The following C1QTNF3 variants were observed in gnomAD, a reference collection of about 807,000 sequenced individuals.
C1QTNF3 encodes the protein C1q and TNF related 3.
A neutral mutation model predicts 32.6 loss-of-function variants in C1QTNF3; 26 were observed. The ratio of observed to expected loss-of-function variants is 0.80; its 90% CI spans 0.58 to 1.11. The LOEUF is 1.11. Among genes scored for constraint, C1QTNF3 ranks in the 50% least tolerant of loss-of-function variants. C1QTNF3 has a pLI of 0.00. For synonymous variants in C1QTNF3, 155 were observed against 146.0 expected, an observed-to-expected ratio of 1.06 and a Z score of -0.44; for missense variants, 362 against 398.2, an observed-to-expected ratio of 0.91 and a Z score of 0.77.
chr5:34,051,899 C>T, the C1QTNF3 span, among the ~76,000 whole-genome samples: 3 of 152,220 alleles, frequency 2.0e-5, no homozygotes, highest in Non-Finnish European at 4.4e-5. Flanking sequence ...GCCATGTGTT[C>T]CACGTAGTGG....
the C1QTNF3 span, among the ~76,000 whole-genome samples, chr5:34,182,028 ATTT>A: frequency 7.2e-6 from 1 of 139,392 alleles, no homozygotes; most frequent in African/African-American, 2.6e-5. Flanking sequence ...TATAAAAAGG[ATTT>A]TTTTTTTTGA....
upstream of C1QTNF3, among the ~76,000 whole-genome samples, chr5:34,046,201 T>C (rs1467538661): frequency 6.6e-6 from 1 of 152,250 alleles, no homozygotes; most frequent in Non-Finnish European, 1.5e-5. Context: ...GCTTTATATC[T>C]GTGTTTGTCC....
the C1QTNF3 span, among the ~76,000 whole-genome samples, chr5:34,197,663 G>A: frequency 6.6e-6 from 1 of 152,114 alleles, no homozygotes; most frequent in Admixed American, 6.5e-5. Flanking sequence ...AAAGGTTGCT[G>A]TCATGTTGTT....
the C1QTNF3 span, among the ~76,000 whole-genome samples, chr5:34,102,907 A>G: frequency 5.0e-4 from 71 of 143,072 alleles, no homozygotes; most frequent in African/African-American, 1.7e-3. Context: ...GGTGCAGCAC[A>G]CCAACATGGC....
the C1QTNF3 span, among the ~76,000 whole-genome samples, chr5:34,223,412 T>G: frequency 6.8e-6 from 1 of 146,954 alleles, no homozygotes; most frequent in Non-Finnish European, 1.5e-5. Context: ...CTTAATCCAG[T>G]CTATCATTGT....
chr5:34,220,358 C>T, the C1QTNF3 span, among the ~76,000 whole-genome samples: 1 of 151,994 alleles, frequency 6.6e-6, no homozygotes, highest in Admixed American at 6.6e-5. Context: ...ACTATTTATA[C>T]TCAAAGGTCA....
At chr5:34,091,466 T>C in the C1QTNF3 span, among the ~76,000 whole-genome samples, 1 of 152,272 alleles carries the variant, frequency 6.6e-6, no homozygotes, top group Admixed American at 6.5e-5. Flanking sequence ...TCATTTTGTT[T>C]GTTTTTTACT....
chr5:34,127,997 A>G, the C1QTNF3 span, among the ~76,000 whole-genome samples: 1 of 152,138 alleles, frequency 6.6e-6, no homozygotes. Context: ...AGGGCATTTC[A>G]GAGATCTTCA....
the C1QTNF3 span, among the ~76,000 whole-genome samples, chr5:34,231,797 T>C: frequency 1.9e-4 from 28 of 149,762 alleles, no homozygotes; most frequent in African/African-American, 6.7e-4. Flanking sequence ...GAACCTCTAC[T>C]AGGGCAGTGC....
Position 34,020,673 on chromosome 5 carries a change from C to T in C1QTNF3, c.870G>A (p.Glu290=), listed in dbSNP as rs571728801. 6.8e-6 allele frequency: 11 copies of T among 1,614,224 alleles called. No homozygotes were observed. The African/African-American group carries it at 8.0e-5, about 12-fold the overall frequency. ...HAVLKLAKGD[E]VWLRMGNGAL... ...CGCCATTGCCCATTCGCAGCCAAAC[C>T]TCATCCCCTTTGGCTAGCTTCAGCA... Residue 290 remains glutamate, a synonymous_variant, in exon 6 of 6, where the codon GAG becomes GAA. Transcript: ENST00000382065.
the C1QTNF3 span, among the ~76,000 whole-genome samples, chr5:34,071,377 GAATT>G: frequency 2.4e-4 from 36 of 152,000 alleles, no homozygotes; most frequent in East Asian, 3.9e-4. Flanking sequence ...TCATCAAAAA[GAATT>G]AATATATCAA....
chr5:34,213,718 G>GTATA, the C1QTNF3 span, among the ~76,000 whole-genome samples: 34 of 116,368 alleles, frequency 2.9e-4, no homozygotes, highest in African/African-American at 9.8e-4. Context: ...GTATATATAT[G>GTATA]TATATATATA....
the C1QTNF3 span, among the ~76,000 whole-genome samples, chr5:34,220,588 G>A: frequency 1.3e-5 from 2 of 151,844 alleles, no homozygotes; most frequent in South Asian, 2.1e-4. Context: ...GGAACATAGT[G>A]TATATGCAAC....
At chr5:34,076,497 C>CA in the C1QTNF3 span, among the ~76,000 whole-genome samples, 3 of 151,372 alleles carry the variant, frequency 2.0e-5, no homozygotes, top group Non-Finnish European at 2.9e-5. Context: ...CATCTAGTAT[C>CA]AGAGTGCAGA....
At chr5:34,039,521 T>C (rs184791487) in intron 1 of C1QTNF3, among the ~76,000 whole-genome samples, 1 of 152,284 alleles carries the variant, frequency 6.6e-6, no homozygotes, top group Admixed American at 6.5e-5. Flanking sequence ...CCCTCAGGGC[T>C]CAGAGGAACT....
At chr5:34,229,176 G>A in the C1QTNF3 span, among the ~76,000 whole-genome samples, 2 of 151,896 alleles carry the variant, frequency 1.3e-5, no homozygotes, top group Non-Finnish European at 2.9e-5. Flanking sequence ...TAAACCTTTA[G>A]AAAGAAATGT....
At chr5:34,100,435 G>A in the C1QTNF3 span, among the ~76,000 whole-genome samples, 2 of 151,350 alleles carry the variant, frequency 1.3e-5, no homozygotes, top group Admixed American at 1.3e-4. Context: ...TTCAATTTTT[G>A]CATCAACAAA....
At chr5:34,183,451 C>T in the C1QTNF3 span, among the ~76,000 whole-genome samples, 2 of 136,186 alleles carry the variant, frequency 1.5e-5, no homozygotes, top group Admixed American at 1.6e-4. Context: ...CTGCCTCAGC[C>T]TTCCGAGTAC....
the C1QTNF3 span, among the ~76,000 whole-genome samples, chr5:34,142,950 A>G: frequency 6.6e-6 from 1 of 152,244 alleles, no homozygotes; most frequent in Non-Finnish European, 1.5e-5. Context: ...GACTGAGATG[A>G]TGGACATAGA....
Sources: allele counts gnomAD v4.1 joint callset (sites outside exome capture counted in the v4.1 genomes callset), GRCh38; gene constraint gnomAD v4.1.1; transcripts MANE v1.5; gene names NCBI Gene and HGNC (gene_info 2026-07-23, HGNC 2026-07-21).